KLHL32: variants seen among roughly 807,000 people sequenced by gnomAD.
KLHL32 encodes kelch-like protein 32.
In KLHL32, 35 loss-of-function variants were observed where a neutral mutation model predicts 64.8. That is an observed-to-expected ratio of 0.54 (90% CI 0.41 to 0.72). The LOEUF (loss-of-function observed/expected upper bound fraction) is 0.72. Ranked by LOEUF, KLHL32 falls within the 30% of genes least tolerant of loss-of-function variation. The pLI, the probability that KLHL32 is intolerant of heterozygous loss-of-function variation, is 0.00. For synonymous variants in KLHL32, 259 were observed against 281.0 expected (o/e 0.92, Z 0.78); for missense variants, 589 against 768.5 (o/e 0.77, Z 2.76).
At chr6:97,107,019 G>A (rs1275598984) in intron 6 of KLHL32, among the ~76,000 whole-genome samples, 11 of 151,932 alleles carry the variant, frequency 7.2e-5, no homozygotes, top group South Asian at 6.2e-4. Flanking sequence ...TGGGCTGAGC[G>A]CGGTGGCTCA....
intron 4 of KLHL32, among the ~76,000 whole-genome samples, chr6:97,060,464 C>T (rs1788694298): frequency 6.6e-6 from 1 of 152,166 alleles, no homozygotes; most frequent in Admixed American, 6.5e-5. Context: ...CCAGCTCCAC[C>T]CTCCCAGAGC....
Position 97,057,898 on chromosome 6 carries a change from C to T in KLHL32, c.313-6730C>T, listed in dbSNP as rs2128144338. On this transcript the variant is annotated intron_variant, in intron 4 of 10. Transcript: ENST00000369261. Reference sequence around the variant, plus strand: ...GCATTTTACATCTACATCTGTAATCCGTTTTGAGTTTATTTTTGTGAAGGA... The same window carrying T: ...GCATTTTACATCTACATCTGTAATCTGTTTTGAGTTTATTTTTGTGAAGGA... Among the ~76,000 whole-genome samples the T allele has an allele frequency of 1.3e-5, 2 of 152,190 alleles. 1 individual carries two copies. Among genetic ancestry groups the T allele is most frequent in the Admixed American group, 1.3e-4 (2 of 15,280 alleles).
At chr6:96,906,631 T>A in the KLHL32 span, among the ~76,000 whole-genome samples, 1 of 152,176 alleles carries the variant, frequency 6.6e-6, no homozygotes, top group Non-Finnish European at 1.5e-5. Flanking sequence ...TTCTTAGGGA[T>A]ATCTATTTAA....
intron 2 of KLHL32, 55 bp from the exon 3 acceptor site, chr6:96,975,942 T>C: frequency 7.1e-7 from 1 of 1,412,992 alleles, no homozygotes. Flanking sequence ...AGAGAGCAGC[T>C]GGCCCACAGG....
Position 97,044,329 on chromosome 6 carries a change from G to C in KLHL32, c.312+2730G>C, listed in dbSNP as rs1785592872. On this transcript the variant is annotated intron_variant, in intron 4 of 10. Coordinates refer to ENST00000369261, the MANE Select transcript of KLHL32 (RefSeq NM_052904.4). ...TATTTGCATATGTTGAATCATCATT[G>C]CATCCCAGGGATAAATCTCCCTTGA... Among the ~76,000 whole-genome samples the C allele has an allele frequency of 5.3e-5, 8 of 152,056 alleles. No individual in the cohort carries two copies. The South Asian group carries it at 1.7e-3, about 32-fold the overall frequency.
chr6:97,042,151 A>C (rs570989387), intron 4 of KLHL32, among the ~76,000 whole-genome samples: 2 of 152,230 alleles, frequency 1.3e-5, no homozygotes, highest in Non-Finnish European at 2.9e-5. Context: ...GAACTACTCA[A>C]ATAAATCAAT....
chr6:96,949,372 A>G (rs1772300416), intron 1 of KLHL32, among the ~76,000 whole-genome samples: 1 of 152,028 alleles, frequency 6.6e-6, no homozygotes, highest in South Asian at 2.1e-4. Context: ...CATCCTTCAC[A>G]TTTGTTCACA....
intron 5 of KLHL32, among the ~76,000 whole-genome samples, chr6:97,079,041 A>G (rs1469175939): frequency 6.6e-6 from 1 of 152,178 alleles, no homozygotes; most frequent in Admixed American, 6.5e-5. Context: ...GCTGTGGGTT[A>G]TGTGTGGTAA....
intron 3 of KLHL32, among the ~76,000 whole-genome samples, chr6:97,039,353 T>G (rs1382198433): frequency 6.6e-6 from 1 of 151,934 alleles, no homozygotes; most frequent in African/African-American, 2.4e-5. Context: ...CATGAAGACA[T>G]AGAGTAGATT....
chr6:97,043,035 T>A (rs1017694515), intron 4 of KLHL32, among the ~76,000 whole-genome samples: 15 of 152,228 alleles, frequency 9.9e-5, no homozygotes, highest in African/African-American at 3.6e-4. Context: ...TACTATGTGA[T>A]CTTGGCACAT....
intron 5 of KLHL32, among the ~76,000 whole-genome samples, chr6:97,075,757 G>T (rs1039927460): frequency 2.0e-5 from 3 of 152,098 alleles, no homozygotes; most frequent in African/African-American, 7.2e-5. Flanking sequence ...TTATAACTCA[G>T]TTGTAATCAA....
At position 97,139,653 on chromosome 6, in the gene KLHL32, T is replaced by A. The variant is rs1300549712; in HGVS notation, c.*371T>A. 2 of 162,286 alleles carry A rather than the reference T, an allele frequency of 1.2e-5. No homozygotes were observed. The highest frequency in any genetic ancestry group is 2.4e-5 in the African/African-American group (1 of 41,680). 10.1% of individuals were successfully genotyped at this position (162,286 alleles called of 1,614,324 possible). On this transcript the variant is annotated 3_prime_UTR_variant, in exon 11 of 11. Transcript: ENST00000369261. ...AATGGCATCGATGATCTTAAAAATATATATATTCTGTACTTAATCCCTTTA... is the reference window on the plus strand; with the variant it reads ...AATGGCATCGATGATCTTAAAAATAAATATATTCTGTACTTAATCCCTTTA...
At chr6:97,019,330 G>T (rs572958114) in intron 3 of KLHL32, among the ~76,000 whole-genome samples, 1 of 152,348 alleles carries the variant, frequency 6.6e-6, no homozygotes, top group Non-Finnish European at 1.5e-5. Flanking sequence ...AACTGCAGAA[G>T]GGAGGTAAAG....
chr6:96,912,530 C>T, the KLHL32 span, among the ~76,000 whole-genome samples: 1 of 152,172 alleles, frequency 6.6e-6, no homozygotes, highest in Admixed American at 6.5e-5. Context: ...ACTCTCTCAG[C>T]TCTTCCCCTG....
chr6:97,136,065 C>T (rs1045729961), intron 10 of KLHL32, among the ~76,000 whole-genome samples: 5 of 152,128 alleles, frequency 3.3e-5, no homozygotes, highest in African/African-American at 1.2e-4. Flanking sequence ...TTTTTTGTGT[C>T]GTCAGTCACA....
At chr6:97,116,641 C>T (rs1562356326) in intron 7 of KLHL32, among the ~76,000 whole-genome samples, 1 of 151,896 alleles carries the variant, frequency 6.6e-6, no homozygotes, top group Non-Finnish European at 1.5e-5. Flanking sequence ...CTGGGGTTTC[C>T]CTTACATAGT....
At chr6:96,977,089 C>T (rs1034355491) in intron 3 of KLHL32, among the ~76,000 whole-genome samples, 4 of 152,096 alleles carry the variant, frequency 2.6e-5, no homozygotes, top group Non-Finnish European at 5.9e-5. Context: ...GATGAAAGTA[C>T]ATAATATAGT....
intron 7 of KLHL32, among the ~76,000 whole-genome samples, chr6:97,118,470 T>G (rs1798033210): frequency 1.3e-5 from 2 of 151,724 alleles, no homozygotes; most frequent in African/African-American, 4.8e-5. Context: ...AATACAAAAA[T>G]TAGCTGGGCG....
In KLHL32 at chr6:96,987,021, C is replaced by T. The variant is rs183287349; in HGVS notation, c.204+10844C>T. On this transcript the variant is annotated intron_variant, in intron 3 of 10. Transcript: ENST00000369261. ...ATGCGGCCATCTTGGCTCCACCCCC[C>T]AGTAGTTTGTATTTCTATGGGATCA... Among the ~76,000 whole-genome samples the T allele has an allele frequency of 1.6e-3, 251 of 152,136 alleles. 1 individual carries two copies. The highest frequency in any genetic ancestry group is 5.8e-3 in the African/African-American group (242 of 41,536).
Sources: gnomAD v4.1 joint callset for allele counts (sites outside exome capture counted in the v4.1 genomes callset) on GRCh38, gnomAD v4.1.1 for gene constraint, MANE v1.5 for transcripts, NCBI Gene and HGNC (gene_info 2026-07-23, HGNC 2026-07-21) for gene names.